The following SOX6 variants were observed in gnomAD, a reference collection of about 807,000 sequenced individuals.
The protein encoded by SOX6 is SRY-box transcription factor 6.
In SOX6, 11 loss-of-function variants were observed where a neutral mutation model predicts 97.8. The observed-to-expected ratio is 0.11, with a 90% CI of 0.07 to 0.19. The LOEUF (loss-of-function observed/expected upper bound fraction) is 0.19. Ranked by LOEUF, SOX6 falls within the 10% of genes least tolerant of loss-of-function variation. The pLI, the probability that SOX6 is intolerant of heterozygous loss-of-function variation, is 1.00. For missense variants in SOX6, 810 were observed against 1,039.5 expected, an observed-to-expected ratio of 0.78 and a Z score of 3.04; for synonymous variants, 360 against 371.4, an observed-to-expected ratio of 0.97 and a Z score of 0.35.
At chr11:16,331,072 T>C (rs899836827) in intron 2 of SOX6, among the ~76,000 whole-genome samples, 2 of 152,196 alleles carry the variant, frequency 1.3e-5, no homozygotes, top group African/African-American at 4.8e-5. Flanking sequence ...AATGATTCCA[T>C]AGAGCTCCTC....
chr11:16,203,860 C>T (rs1433423461), intron 4 of SOX6, among the ~76,000 whole-genome samples: 1 of 151,964 alleles, frequency 6.6e-6, no homozygotes, highest in African/African-American at 2.4e-5. Flanking sequence ...AGAAATTCTA[C>T]CGGCATTGCA....
chr11:15,978,977 C>A (rs1343406538), intron 15 of SOX6, among the ~76,000 whole-genome samples: 1 of 111,428 alleles, frequency 9.0e-6, no homozygotes, highest in Admixed American at 1.0e-4. Context: ...TATATATGAG[C>A]ATATATATAA....
chr11:16,530,243 A>T (rs1861220407), intron 4 of SOX6, among the ~76,000 whole-genome samples: 1 of 152,082 alleles, frequency 6.6e-6, no homozygotes, highest in Non-Finnish European at 1.5e-5. Context: ...TAATTGCATA[A>T]ACCTCATTGG....
intron 13 of SOX6, among the ~76,000 whole-genome samples, chr11:15,994,226 G>A (rs1188019114): frequency 1.3e-5 from 2 of 152,140 alleles, no homozygotes; most frequent in African/African-American, 4.8e-5. Flanking sequence ...CACAATTGGA[G>A]TGGACAGAGA....
chr11:16,222,311 A>T (rs1852563325), intron 4 of SOX6, among the ~76,000 whole-genome samples: 1 of 152,086 alleles, frequency 6.6e-6, no homozygotes, highest in Admixed American at 6.6e-5. Flanking sequence ...CCCCTGGGCT[A>T]AAACGATCTG....
At chr11:16,302,102 G>C (rs1051054728) in intron 3 of SOX6, among the ~76,000 whole-genome samples, 6 of 152,076 alleles carry the variant, frequency 3.9e-5, no homozygotes, top group African/African-American at 1.4e-4. Flanking sequence ...TTAGTTTAGA[G>C]TCTGATTAGT....
intron 3 of SOX6, among the ~76,000 whole-genome samples, chr11:16,639,655 G>A (rs1848860812): frequency 6.6e-6 from 1 of 152,050 alleles, no homozygotes; most frequent in African/African-American, 2.4e-5. Context: ...GGATTCCTAG[G>A]TATTTTATTC....
At chr11:16,316,999 A>T (rs190448548) in intron 3 of SOX6, 10 of 152,152 alleles carry the variant, frequency 6.6e-5, no homozygotes, top group Non-Finnish European at 1.0e-4. Flanking sequence ...CTATAGGTAA[A>T]TAGGAGAAAA....
chr11:16,459,351 G>A (rs1419517804), intron 1 of SOX6, among the ~76,000 whole-genome samples: 1 of 151,854 alleles, frequency 6.6e-6, no homozygotes, highest in African/African-American at 2.4e-5. Flanking sequence ...AGAAAAAAAA[G>A]TTCAAAAATA....
chr11:16,220,832 T>G (rs1287493843), intron 4 of SOX6, among the ~76,000 whole-genome samples: 1 of 152,036 alleles, frequency 6.6e-6, no homozygotes, highest in Non-Finnish European at 1.5e-5. Flanking sequence ...ACAGATCAAT[T>G]TATACCTATC....
chr11:15,985,041 A>G (rs1853787944), intron 15 of SOX6, among the ~76,000 whole-genome samples: 1 of 152,144 alleles, frequency 6.6e-6, no homozygotes, highest in African/African-American at 2.4e-5. Flanking sequence ...CAGTATGTGA[A>G]CCCCAGAAGT....
chr11:16,593,965 A>AT (rs1180468277), intron 4 of SOX6, among the ~76,000 whole-genome samples: 1 of 152,228 alleles, frequency 6.6e-6, no homozygotes, highest in Non-Finnish European at 1.5e-5. Context: ...TATATGCTCT[A>AT]TTTACACAGC....
chr11:16,055,930 C>G, intron 9 of SOX6, 29 bp from the exon 10 acceptor site: 2 of 1,612,102 alleles, frequency 1.2e-6, no homozygotes, highest in Non-Finnish European at 1.7e-6. Flanking sequence ...AAACATTGAT[C>G]TCTTTAAATG....
intron 2 of SOX6, among the ~76,000 whole-genome samples, chr11:16,727,275 G>T (rs1013562914): frequency 1.4e-5 from 2 of 138,070 alleles, no homozygotes; most frequent in Admixed American, 7.5e-5. Flanking sequence ...CACTTTATAT[G>T]CTATATTCAC....
At chr11:16,383,398 C>T (rs540479246) in intron 1 of SOX6, among the ~76,000 whole-genome samples, 4 of 152,068 alleles carry the variant, frequency 2.6e-5, no homozygotes, top group South Asian at 2.1e-4. Flanking sequence ...TTTACTCTTA[C>T]TTAAGCATAA....
chr11:16,004,044 A>ATG (rs1217236612), intron 13 of SOX6, among the ~76,000 whole-genome samples: 7 of 151,714 alleles, frequency 4.6e-5, no homozygotes, highest in Non-Finnish European at 1.0e-4. Flanking sequence ...ACACATATAT[A>ATG]TGTGTGTATA....
intron 1 of SOX6, among the ~76,000 whole-genome samples, chr11:16,375,514 A>G (rs297335): frequency 0.21 from 32,376 of 151,960 alleles, 3,598 homozygotes; most frequent in Admixed American, 0.31. Context: ...AAAAAAAAAA[A>G]AGAGAAGAAA....
intron 3 of SOX6, chr11:16,318,026 T>C: frequency 2.3e-6 from 1 of 428,066 alleles, no homozygotes; most frequent in Non-Finnish European, 4.6e-6. Flanking sequence ...AGATAAATAA[T>C]ATATTTATAA....
At chr11:16,369,382 A>C (rs1024900341) in intron 1 of SOX6, among the ~76,000 whole-genome samples, 22 of 152,144 alleles carry the variant, frequency 1.4e-4, no homozygotes, top group Non-Finnish European at 2.9e-4. Flanking sequence ...TAGCATTCAT[A>C]AACTCCTAAC....
Sources: allele counts gnomAD v4.1 joint callset (sites outside exome capture counted in the v4.1 genomes callset), GRCh38; gene constraint gnomAD v4.1.1; transcripts MANE v1.5; gene names NCBI Gene and HGNC (gene_info 2026-07-23, HGNC 2026-07-21).